Variants in UTRN observed in about 807,000 individuals in gnomAD.
UTRN encodes the protein dystrophin-related protein 1.
In UTRN, 283 loss-of-function variants were observed where a neutral mutation model predicts 463.9. The ratio of observed to expected loss-of-function variants is 0.61; its 90% CI spans 0.55 to 0.67. The LOEUF is 0.67. UTRN is among the 30% of genes least tolerant of loss of function. UTRN has a pLI of 0.00. For synonymous variants in UTRN, 1,442 were observed against 1,431.5 expected, an observed-to-expected ratio of 1.01 and a Z score of -0.17; for missense variants, 3,922 against 4,084.3, an observed-to-expected ratio of 0.96 and a Z score of 1.08.
Position 144,774,374 on chromosome 6 carries a change from T to G in UTRN, c.8632+10T>G. On this transcript the variant is annotated intron_variant, in intron 60 of 74. Transcript: ENST00000367545. ...CAAAAAGCACTATGTTGTGAGTTAT[T>G]CTACCAAAGTTAATCAATCTGTTAC... The G allele has an allele frequency of 6.4e-7, 1 of 1,570,512 alleles. No homozygotes were observed. Among genetic ancestry groups the G allele is most frequent in the Non-Finnish European group, 8.6e-7 (1 of 1,166,768 alleles).
At chr6:144,634,120 G>GT (rs1263001708) in intron 51 of UTRN, among the ~76,000 whole-genome samples, 1 of 152,260 alleles carries the variant, frequency 6.6e-6, no homozygotes, top group Non-Finnish European at 1.5e-5. Flanking sequence ...CTGGTGCCTA[G>GT]TGAGAACATG....
intron 13 of UTRN, among the ~76,000 whole-genome samples, chr6:144,441,974 C>T (rs2114905144): frequency 6.6e-6 from 1 of 152,286 alleles, no homozygotes; most frequent in East Asian, 1.9e-4. Context: ...AGTACCTAGC[C>T]ACAAGGCACG....
At chr6:144,402,876 T>C (rs1783048030) in intron 2 of UTRN, among the ~76,000 whole-genome samples, 1 of 151,898 alleles carries the variant, frequency 6.6e-6, no homozygotes, top group Non-Finnish European at 1.5e-5. Flanking sequence ...GACTCCGGGG[T>C]TTAGGGTGAG....
chr6:144,639,923 AGGCATTATCAG>A (rs1450230393), intron 51 of UTRN, among the ~76,000 whole-genome samples: 1 of 152,172 alleles, frequency 6.6e-6, no homozygotes, highest in Non-Finnish European at 1.5e-5. Flanking sequence ...CAGGGCCATG[AGGCATTATCAG>A]GGGCAGGAGA....
chr6:144,596,792 T>C (rs762443196), intron 51 of UTRN, among the ~76,000 whole-genome samples: 2 of 152,188 alleles, frequency 1.3e-5, no homozygotes, highest in Non-Finnish European at 2.9e-5. Flanking sequence ...TAAAATGTCT[T>C]ATAGGTAACA....
intron 50 of UTRN, among the ~76,000 whole-genome samples, chr6:144,575,471 A>T (rs552267259): frequency 6.6e-6 from 1 of 152,306 alleles, no homozygotes; most frequent in African/African-American, 2.4e-5. Context: ...TTTTACTGTG[A>T]TACAATTTGT....
At chr6:144,406,489 C>A (rs1584648505) in intron 3 of UTRN, among the ~76,000 whole-genome samples, 1 of 152,010 alleles carries the variant, frequency 6.6e-6, no homozygotes, top group South Asian at 2.1e-4. Flanking sequence ...GCCTCAGCCT[C>A]CCTAGTAGCT....
Position 144,591,506 on chromosome 6 carries a change from A to G in UTRN, c.7479+14218A>G, listed in dbSNP as rs577152863. On this transcript the variant is annotated intron_variant, in intron 51 of 74. Transcript: ENST00000367545. ...CTAGTTAACCCACAAAGAAACTGATATAATGCTGATTGACATAAAACCTCA... is the reference window on the plus strand; with the variant it reads ...CTAGTTAACCCACAAAGAAACTGATGTAATGCTGATTGACATAAAACCTCA... Among the ~76,000 whole-genome samples, 14 of 152,342 alleles carry G rather than the reference A, an allele frequency of 9.2e-5. 1 individual carries two copies. The South Asian group carries it at 2.9e-3, about 32-fold the overall frequency.
At chr6:144,330,602 T>C (rs1390671579) in intron 2 of UTRN, among the ~76,000 whole-genome samples, 6 of 152,190 alleles carry the variant, frequency 3.9e-5, no homozygotes, top group Non-Finnish European at 8.8e-5. Context: ...GGCTTCTCTG[T>C]ATACCAAGCA....
chr6:144,613,132 C>A (rs897788596), intron 51 of UTRN, among the ~76,000 whole-genome samples: 8 of 151,946 alleles, frequency 5.3e-5, no homozygotes, highest in African/African-American at 1.9e-4. Context: ...TGCCTGATAT[C>A]ACTTATCTAT....
chr6:144,765,894 TTCTTGAAATTCTGACCTCCA>T (rs1003439588), intron 58 of UTRN, among the ~76,000 whole-genome samples: 8 of 152,244 alleles, frequency 5.3e-5, no homozygotes, highest in African/African-American at 1.7e-4. Context: ...AATTTTTTTT[TTCTTGAAATTCTGACCTCCA>T]CGCTTCTTTT....
At chr6:144,631,183 C>T (rs1359754203) in intron 51 of UTRN, among the ~76,000 whole-genome samples, 1 of 148,238 alleles carries the variant, frequency 6.7e-6, no homozygotes, top group Non-Finnish European at 1.5e-5. Context: ...GAAGGTAAAA[C>T]CAAAAGAGAG....
rs536540328 is a variant in UTRN at position 144,669,735 on chromosome 6, A to C, written c.7480-8671A>C. The stretch of plus-strand genomic sequence containing the variant: ...TGTGTAGTCTTTTATCCCTCACCCC[A>C]CCTCCCACCCTTCCCCTGGAGCTCC... On this transcript the variant is annotated intron_variant, in intron 51 of 74. Coordinates refer to ENST00000367545, the MANE Select transcript of UTRN (RefSeq NM_007124.3). Among the ~76,000 whole-genome samples, 12 of 151,634 alleles carry C rather than the reference A, an allele frequency of 7.9e-5. No homozygotes were observed. The East Asian group carries it at 1.9e-3, about 25-fold the overall frequency.
At chr6:144,719,268 A>G (rs1181553207) in intron 53 of UTRN, among the ~76,000 whole-genome samples, 1 of 152,188 alleles carries the variant, frequency 6.6e-6, no homozygotes, top group Middle Eastern at 3.2e-3. Flanking sequence ...CTAATGAGAA[A>G]GAGCAGAGCT....
chr6:144,569,899 C>T (rs1265458213), intron 50 of UTRN, among the ~76,000 whole-genome samples: 1 of 152,100 alleles, frequency 6.6e-6, no homozygotes, highest in East Asian at 1.9e-4. Context: ...GGCTATGAGT[C>T]AAGCAATGTG....
chr6:144,708,245 G>C (rs1392611999), intron 53 of UTRN: 6 of 635,856 alleles, frequency 9.4e-6, no homozygotes, highest in Non-Finnish European at 1.8e-5. Flanking sequence ...AGGTAATTCT[G>C]CGATTGCTTC....
At chr6:144,849,597 T>A (rs1586822403) in intron 74 of UTRN, among the ~76,000 whole-genome samples, 1 of 152,236 alleles carries the variant, frequency 6.6e-6, no homozygotes, top group Non-Finnish European at 1.5e-5. Context: ...TTTCCATGTG[T>A]TTTTTCCTGC....
intron 4 of UTRN, among the ~76,000 whole-genome samples, chr6:144,422,617 C>CA (rs76087875): frequency 0.022 from 2,626 of 119,770 alleles, 71 homozygotes; most frequent in African/African-American, 0.071. Context: ...GACTCCGTCT[C>CA]AAAAAAAAAA....
intron 51 of UTRN, among the ~76,000 whole-genome samples, chr6:144,580,637 C>A (rs1325633178): frequency 1.3e-5 from 2 of 152,110 alleles, no homozygotes; most frequent in Non-Finnish European, 2.9e-5. Context: ...AGAGAAAAGC[C>A]GATTCTTTGG....
Sources: gnomAD v4.1 joint callset for allele counts (sites outside exome capture counted in the v4.1 genomes callset) on GRCh38, gnomAD v4.1.1 for gene constraint, MANE v1.5 for transcripts, NCBI Gene and HGNC (gene_info 2026-07-23, HGNC 2026-07-21) for gene names.